Variants in TACC3 observed in about 807,000 individuals in gnomAD.
The protein encoded by TACC3 is transforming acidic coiled-coil-containing protein 3.
Under a neutral mutation model 86.0 loss-of-function variants are expected in TACC3, and 52 were observed. The observed-to-expected ratio is 0.60, with a 90% CI of 0.48 to 0.76. The LOEUF (loss-of-function observed/expected upper bound fraction) is 0.76, where lower values mean the gene tolerates loss of function less well. TACC3 is among the 30% of genes least tolerant of loss of function. The pLI is 0.00. For synonymous variants in TACC3, 512 were observed against 430.0 expected, an observed-to-expected ratio of 1.19 and a Z score of -2.36; for missense variants, 1,120 against 1,070.4, an observed-to-expected ratio of 1.05 and a Z score of -0.65.
intron 13 of TACC3, among the ~76,000 whole-genome samples, chr4:1,743,985 CAGGT>C (rs1718718217): frequency 6.6e-6 from 1 of 152,158 alleles, no homozygotes; most frequent in African/African-American, 2.4e-5. Context: ...AGGAAGAAGG[CAGGT>C]AGGCTGAGCC....
rs199557932 is a variant in TACC3 at position 1,739,948 on chromosome 4, T to C, written c.2019-11T>C. On this transcript the variant is annotated splice_polypyrimidine_tract_variant and intron_variant, in intron 11 of 15. Transcript: ENST00000313288. ...CGAGGCAATGGCTGTGTGTCTGTTC[T>C]CCTCCCACAGGAAGATCATGGACAG... is the stretch of plus-strand genomic sequence containing the variant. 5.9e-4 allele frequency: 954 copies of C among 1,612,634 alleles called. 1 individual carries two copies. Among genetic ancestry groups the C allele is most frequent in the Non-Finnish European group, 7.8e-4 (915 of 1,179,730 alleles).
intron 3 of TACC3, 99 bp downstream of exon 3, chr4:1,723,969 T>C: frequency 1.4e-6 from 2 of 1,392,774 alleles, no homozygotes; most frequent in Admixed American, 2.0e-5. Flanking sequence ...CTTGGCTGGA[T>C]TTTTTGTTTG....
In TACC3 at chr4:1,745,073, C is replaced by T. The variant is rs1718786844; in HGVS notation, c.*60C>T. 14 of 1,509,128 alleles carry T rather than the reference C, an allele frequency of 9.3e-6. No homozygotes were observed. The highest frequency in any genetic ancestry group is 1.3e-5 in the Non-Finnish European group (14 of 1,113,858). The allele number at this position is 1,509,128 out of a possible 1,614,324, so 93.5% of individuals were successfully genotyped here. A position where few individuals can be genotyped will look rare whatever the true frequency, so the allele number is the denominator to read the frequency against. On this transcript the variant is annotated 3_prime_UTR_variant, in exon 16 of 16. Coordinates refer to ENST00000313288, the MANE Select transcript of TACC3 (RefSeq NM_006342.3). ...CCGTCTGTCTGTCCTGTCTGATTCTCTTAGGTGTCATGTTCTTTTTTCTGT... is the reference window on the plus strand; with the variant it reads ...CCGTCTGTCTGTCCTGTCTGATTCTTTTAGGTGTCATGTTCTTTTTTCTGT...
chr4:1,740,560 A>C, intron 12 of TACC3: 1 of 415,774 alleles, frequency 2.4e-6, no homozygotes. Context: ...CCTAGGCTCT[A>C]GGGTGTTGGG....
At chr4:1,726,485 G>T (rs1300782079) in intron 3 of TACC3, among the ~76,000 whole-genome samples, 2 of 152,202 alleles carry the variant, frequency 1.3e-5, no homozygotes, top group South Asian at 4.1e-4. Flanking sequence ...GCATGTCCTC[G>T]GGTGAGGTTT....
rs183092721 is a variant in TACC3 at position 1,725,335 on chromosome 4, G to A, written c.305+1465G>A. On this transcript the variant is annotated intron_variant, in intron 3 of 15. Coordinates refer to ENST00000313288, the MANE Select transcript of TACC3 (RefSeq NM_006342.3). ...CTGAGATAAAATGTCACCAGTAAGT[G>A]CAGGCAGCATTTCCTACATCCTTCT... 1.4e-4 allele frequency among the ~76,000 whole-genome samples: 22 copies of A among 152,300 alleles called. No homozygotes were observed. In the East Asian group the frequency reaches 4.1e-3, roughly 28 times the overall value.
chr4:1,740,736 C>G (rs1718553366), intron 12 of TACC3, 90 bp from the exon 13 acceptor site: 8 of 1,219,758 alleles, frequency 6.6e-6, no homozygotes, highest in South Asian at 5.9e-5. Flanking sequence ...TCCTGGCGCT[C>G]GAGTCCCTTG....
intron 6 of TACC3, among the ~76,000 whole-genome samples, chr4:1,734,801 TAGG>T (rs774087233): frequency 1.3e-5 from 2 of 151,992 alleles, no homozygotes; most frequent in Admixed American, 6.6e-5. Flanking sequence ...CTCCCTGTAA[TAGG>T]AGTGCAGCAC....
chr4:1,730,731 C>T (rs1369964829), intron 4 of TACC3, 156 bp from the exon 5 acceptor site: 1 of 868,124 alleles, frequency 1.2e-6, no homozygotes, highest in South Asian at 1.4e-5. Context: ...GTGGCCAGGT[C>T]GCTTGGGACA....
upstream of TACC3, chr4:1,721,199 A>G (rs1354552837): frequency 1.1e-5 from 2 of 179,278 alleles, no homozygotes; most frequent in Admixed American, 1.3e-4. Context: ...GCACCTGTGC[A>G]TTGAGCACAG....
chr4:1,730,856 G>A (rs1488430653), intron 4 of TACC3, 31 bp from the exon 5 acceptor site: 4 of 1,607,332 alleles, frequency 2.5e-6, no homozygotes, highest in East Asian at 2.2e-5. Context: ...GGGGTGGGGG[G>A]CATGGGCCTC....
intron 1 of TACC3, chr4:1,723,073 G>T: frequency 5.0e-6 from 1 of 199,058 alleles, no homozygotes; most frequent in Non-Finnish European, 1.0e-5. Flanking sequence ...GGGCTTTTCC[G>T]TCTCTTGACT....
chr4:1,720,967 G>T (rs971772845), upstream of TACC3: 1 of 475,890 alleles, frequency 2.1e-6, no homozygotes, highest in Non-Finnish European at 3.4e-6. The surrounding 1 kb of genome is among the most constrained non-coding windows in gnomAD (Gnocchi z 4.4). Context: ...TCTAGGACAT[G>T]GAGTCCCGCC....
Position 1,728,244 on chromosome 4 carries a change from CCCCCGTGCCAGCAGATGGCACT to C in TACC3, c.844_865del (p.Pro282ArgfsTer26). 1 of 1,612,432 alleles carries C rather than the reference CCCCCGTGCCAGCAGATGGCACT, an allele frequency of 6.2e-7. No individual in the cohort carries two copies. Among genetic ancestry groups the C allele is most frequent in the East Asian group, 2.2e-5 (1 of 44,844 alleles). ...CTGGGCTGCCCTGCGGGTGTGGGCA[CCCCCGTGCCAGCAGATGGCACT>C]CAGACCCTTACCTGTGCACACACCT... On this transcript the variant is annotated frameshift_variant, in exon 4 of 16. Coordinates refer to ENST00000313288, the MANE Select transcript of TACC3 (RefSeq NM_006342.3). LOFTEE classifies it high-confidence loss of function.
At chr4:1,722,374 C>A (rs1429285912) in intron 1 of TACC3, among the ~76,000 whole-genome samples, 1 of 152,166 alleles carries the variant, frequency 6.6e-6, no homozygotes, top group Non-Finnish European at 1.5e-5. Context: ...TTATTCAGGG[C>A]GAAAACCTAA....
intron 4 of TACC3, among the ~76,000 whole-genome samples, chr4:1,730,031 G>GT: frequency 7.4e-6 from 1 of 134,990 alleles, no homozygotes; most frequent in African/African-American, 2.8e-5. Context: ...TTTTCCTAGG[G>GT]TTATTTGTTT....
At chr4:1,740,140 G>A in intron 12 of TACC3, 138 bp downstream of exon 12, 1 of 814,142 alleles carries the variant, frequency 1.2e-6, no homozygotes, top group Non-Finnish European at 2.0e-6. Context: ...TTCAACATGG[G>A]CCCGGCCGTG....
In TACC3 at chr4:1,744,713, G is replaced by A; in HGVS notation, c.2332G>A (p.Ala778Thr). Residue 778 changes from alanine to threonine, a missense_variant and splice_region_variant, in exon 15 of 16, where the codon GCA (alanine) becomes ACA (threonine). Physicochemically the swap from Ala to Thr is moderately conservative, Grantham distance 58. Transcript: ENST00000313288. ...KAHAEEKLQLANEEIAQVRSK... is the reference protein window; with the variant it reads ...KAHAEEKLQLTNEEIAQVRSK... ...TCTGCCCCGCCCCTACCCCTCCAGG[G>A]CAAACGAGGAGATCGCCCAGGTCCG... is the stretch of plus-strand genomic sequence containing the variant. The A allele has an allele frequency of 6.2e-7, 1 of 1,612,392 alleles. No individual in the cohort carries two copies. The highest frequency in any genetic ancestry group is 1.1e-5 in the South Asian group (1 of 91,044).
rs564229312 is a variant in TACC3 at position 1,725,387 on chromosome 4, A to G, written c.305+1517A>G. Among the ~76,000 whole-genome samples, 15 of 151,758 alleles carry G rather than the reference A, an allele frequency of 9.9e-5. No homozygotes were observed. The South Asian group carries it at 3.1e-3, about 32-fold the overall frequency. On this transcript the variant is annotated intron_variant, in intron 3 of 15. Transcript: ENST00000313288. ...TGGGCCCTGGGTCCGTCTCCCCTCTACCCCTCCAGCCTGAATTTGCAGTTC... is the reference window on the plus strand; with the variant it reads ...TGGGCCCTGGGTCCGTCTCCCCTCTGCCCCTCCAGCCTGAATTTGCAGTTC...
Sources: allele counts gnomAD v4.1 joint callset (sites outside exome capture counted in the v4.1 genomes callset), GRCh38; gene constraint gnomAD v4.1.1; non-coding constraint Gnocchi (gnomAD v3.1); transcripts MANE v1.5; gene names NCBI Gene and HGNC (gene_info 2026-07-23, HGNC 2026-07-21).